PTPRK: variants seen among roughly 807,000 people sequenced by gnomAD.
The protein encoded by PTPRK is receptor-type tyrosine-protein phosphatase kappa.
PTPRK carries 75 observed loss-of-function variants against 178.0 expected under a neutral mutation model. The ratio of observed to expected loss-of-function variants is 0.42; its 90% confidence interval spans 0.35 to 0.51. The LOEUF (loss-of-function observed/expected upper bound fraction) is 0.51. Ranked by LOEUF, PTPRK falls within the 20% of genes least tolerant of loss-of-function variation. The pLI, the probability that PTPRK is intolerant of heterozygous loss-of-function variation, is 0.02. For synonymous variants in PTPRK, 637 were observed against 620.6 expected (o/e 1.03, Z -0.39); for missense variants, 1,441 against 1,797.8 (o/e 0.80, Z 3.59).
chr6:128,387,803 A>T (rs1245868434), intron 2 of PTPRK, among the ~76,000 whole-genome samples: 1 of 152,154 alleles, frequency 6.6e-6, no homozygotes, highest in Non-Finnish European at 1.5e-5. Context: ...CTGCATATGT[A>T]ACATATGCAG....
At chr6:128,249,987 T>C (rs1017642651) in intron 3 of PTPRK, among the ~76,000 whole-genome samples, 1 of 152,118 alleles carries the variant, frequency 6.6e-6, no homozygotes, top group South Asian at 2.1e-4. Flanking sequence ...GAAGGCAGTT[T>C]CCCCCATCCT....
intron 2 of PTPRK, among the ~76,000 whole-genome samples, chr6:128,346,405 T>C (rs1832437134): frequency 6.6e-6 from 1 of 152,098 alleles, no homozygotes. Context: ...AAGTTTTCTA[T>C]GGTATGATAA....
intron 3 of PTPRK, among the ~76,000 whole-genome samples, chr6:128,271,574 A>G (rs967633782): frequency 4.6e-5 from 7 of 152,138 alleles, no homozygotes; most frequent in Non-Finnish European, 8.8e-5. Context: ...AAAAAAAAGA[A>G]AGGTCTGATC....
At chr6:128,067,409 A>G in intron 12 of PTPRK, 110 bp downstream of exon 12, 1 of 1,264,548 alleles carries the variant, frequency 7.9e-7, no homozygotes, top group Non-Finnish European at 1.0e-6. Context: ...CCTACATGCA[A>G]ATTTTCTTTT....
intron 21 of PTPRK, among the ~76,000 whole-genome samples, chr6:127,990,040 T>C (rs1023478637): frequency 2.6e-5 from 4 of 152,232 alleles, no homozygotes; most frequent in African/African-American, 9.6e-5. Context: ...TTCTTTGCAA[T>C]GTAACACTTG....
chr6:128,245,863 G>A (rs906146013), intron 3 of PTPRK, among the ~76,000 whole-genome samples: 24 of 151,984 alleles, frequency 1.6e-4, no homozygotes, highest in African/African-American at 5.3e-4. Context: ...CTTTCTCAGG[G>A]GTGAAAAAAA....
At chr6:127,975,257 C>T (rs1774392631) in intron 27 of PTPRK, among the ~76,000 whole-genome samples, 1 of 152,152 alleles carries the variant, frequency 6.6e-6, no homozygotes, top group South Asian at 2.1e-4. Context: ...TTACTGTCTT[C>T]AGCAGTTCTG....
chr6:127,991,265 G>A (rs1321961623), intron 20 of PTPRK, 29 bp downstream of exon 20: 1 of 1,518,164 alleles, frequency 6.6e-7, no homozygotes, highest in Non-Finnish European at 9.0e-7. Flanking sequence ...TCATTTTTAT[G>A]ACAAAAAAAT....
chr6:128,215,236 A>G (rs1038433692), intron 6 of PTPRK, among the ~76,000 whole-genome samples: 2 of 152,154 alleles, frequency 1.3e-5, no homozygotes, highest in African/African-American at 2.4e-5. Context: ...CTGGTTCGAG[A>G]TGTAAGTGGG....
At chr6:128,039,705 C>T (rs993078793) in intron 13 of PTPRK, among the ~76,000 whole-genome samples, 2 of 152,174 alleles carry the variant, frequency 1.3e-5, no homozygotes, top group South Asian at 4.1e-4. Flanking sequence ...TGAGAAGGGT[C>T]ACAGCTCATG....
At chr6:128,056,629 T>A (rs1779943874) in intron 13 of PTPRK, among the ~76,000 whole-genome samples, 2 of 152,004 alleles carry the variant, frequency 1.3e-5, no homozygotes, top group African/African-American at 4.8e-5. Context: ...TTTCGCTATG[T>A]TGGCCAGGCT....
intron 1 of PTPRK, among the ~76,000 whole-genome samples, chr6:128,457,543 C>G (rs941207015): frequency 5.3e-5 from 8 of 152,176 alleles, no homozygotes; most frequent in Admixed American, 4.6e-4. Flanking sequence ...TAATCACTTG[C>G]AATAAATTTT....
At chr6:128,254,207 C>T (rs551145426) in intron 3 of PTPRK, among the ~76,000 whole-genome samples, 1 of 152,082 alleles carries the variant, frequency 6.6e-6, no homozygotes, top group East Asian at 1.9e-4. Flanking sequence ...AGGGATAGAA[C>T]GCCTGTGAAC....
At chr6:128,398,766 ATT>A in intron 1 of PTPRK, among the ~76,000 whole-genome samples, 1 of 152,276 alleles carries the variant, frequency 6.6e-6, no homozygotes, top group Admixed American at 6.5e-5. Context: ...AACCAATCAG[ATT>A]AGCCTATAAT....
chr6:128,194,047 C>T (rs1167692959), intron 6 of PTPRK, among the ~76,000 whole-genome samples: 1 of 141,268 alleles, frequency 7.1e-6, no homozygotes, highest in African/African-American at 2.7e-5. Context: ...TGATAAATCG[C>T]AATAATATTT....
chr6:128,054,800 A>G (rs983307616), intron 13 of PTPRK, among the ~76,000 whole-genome samples: 1 of 152,232 alleles, frequency 6.6e-6, no homozygotes, highest in Non-Finnish European at 1.5e-5. Flanking sequence ...AGCCTTGACC[A>G]TGGAGAACAC....
chr6:128,279,177 A>G (rs1189205008), intron 3 of PTPRK, among the ~76,000 whole-genome samples: 1 of 150,490 alleles, frequency 6.6e-6, no homozygotes, highest in Non-Finnish European at 1.5e-5. Context: ...AATCCCTGGG[A>G]GAACAAGTCC....
chr6:128,341,697 T>A (rs1831683983), intron 2 of PTPRK, among the ~76,000 whole-genome samples: 1 of 152,190 alleles, frequency 6.6e-6, no homozygotes, highest in South Asian at 2.1e-4. Flanking sequence ...AAAAGTAAAG[T>A]GAAAATTAAA....
chr6:128,250,160 C>G (rs1469006160), intron 3 of PTPRK, among the ~76,000 whole-genome samples: 1 of 152,204 alleles, frequency 6.6e-6, no homozygotes, highest in African/African-American at 2.4e-5. Flanking sequence ...AACTGTGAAT[C>G]TATCAAACCT....
Sources: gnomAD v4.1 joint callset for allele counts (sites outside exome capture counted in the v4.1 genomes callset) on GRCh38, gnomAD v4.1.1 for gene constraint, MANE v1.5 for transcripts, NCBI Gene and HGNC (gene_info 2026-07-23, HGNC 2026-07-21) for gene names.